The following PTK2B variants were observed in gnomAD, a reference collection of about 807,000 sequenced individuals.
PTK2B encodes protein tyrosine kinase 2 beta.
Under a neutral mutation model 142.9 loss-of-function variants are expected in PTK2B, and 71 were observed. That is an observed-to-expected ratio of 0.50 (90% confidence interval 0.41 to 0.61). The LOEUF is 0.61. Ranked by LOEUF, PTK2B falls within the 20% of genes least tolerant of loss-of-function variation. The probability of loss-of-function intolerance (pLI) is 0.00; values close to 1 mark genes in which losing one functional copy is unlikely to be tolerated. For synonymous variants in PTK2B, 519 were observed against 503.4 expected (o/e 1.03, Z -0.42); for missense variants, 1,105 against 1,320.4 (o/e 0.84, Z 2.53).
At chr8:27,401,136 C>A (rs1323646144) in intron 2 of PTK2B, among the ~76,000 whole-genome samples, 1 of 127,162 alleles carries the variant, frequency 7.9e-6, no homozygotes, top group Non-Finnish European at 1.8e-5. Context: ...GAGACTCCAT[C>A]TCAAAAAACA....
intron 30 of PTK2B, among the ~76,000 whole-genome samples, chr8:27,456,678 G>A (rs1417177553): frequency 6.6e-6 from 1 of 152,252 alleles, no homozygotes; most frequent in Non-Finnish European, 1.5e-5. Context: ...AGGAAGGCAT[G>A]TTGAAAACCA....
At chr8:27,433,615 G>A in intron 11 of PTK2B, 63 bp downstream of exon 11, 2 of 1,389,942 alleles carry the variant, frequency 1.4e-6, no homozygotes, top group Non-Finnish European at 2.0e-6. Context: ...AGTCCCCAGA[G>A]GCGGAGTGGC....
In PTK2B at chr8:27,433,570, G is replaced by A. The variant is rs769876468; in HGVS notation, c.1105+18G>A. 2.7e-5 allele frequency: 44 copies of A among 1,605,710 alleles called. No individual in the cohort carries two copies. The Admixed American group carries it at 7.3e-4, about 27-fold the overall frequency. On this transcript the variant is annotated intron_variant, in intron 11 of 30. Coordinates refer to ENST00000346049, the MANE Select transcript of PTK2B (RefSeq NM_173176.3). ...TAGGAAAGGTGGGTTCCATTTAAAGGTAAAGTGGCTGGACCACGGGTGGCA... is the reference window on the plus strand; with the variant it reads ...TAGGAAAGGTGGGTTCCATTTAAAGATAAAGTGGCTGGACCACGGGTGGCA...
intron 2 of PTK2B, among the ~76,000 whole-genome samples, chr8:27,413,936 G>T (rs917524811): frequency 8.6e-5 from 13 of 152,038 alleles, no homozygotes; most frequent in African/African-American, 3.1e-4. Flanking sequence ...TTATTTATCT[G>T]TCTTAGATTC....
intron 1 of PTK2B, among the ~76,000 whole-genome samples, chr8:27,378,938 C>A (rs1168874618): frequency 6.6e-6 from 1 of 152,056 alleles, no homozygotes; most frequent in Non-Finnish European, 1.5e-5. Context: ...GAACAAAGAG[C>A]TAAAGGAAGA....
intron 2 of PTK2B, among the ~76,000 whole-genome samples, chr8:27,419,134 C>G (rs374889552): frequency 2.6e-4 from 39 of 152,314 alleles, no homozygotes; most frequent in African/African-American, 8.7e-4. Context: ...ATCTCTGGCT[C>G]TAGGCCAGGA....
chr8:27,336,195 A>G (rs1804053926), intron 1 of PTK2B, among the ~76,000 whole-genome samples: 1 of 152,200 alleles, frequency 6.6e-6, no homozygotes, highest in Admixed American at 6.5e-5. Flanking sequence ...GATATGTGTA[A>G]TTCTTACCAA....
rs1163010794 is a variant in PTK2B, at chr8:27,363,034, A to G, written c.-37-34514A>G. 6.6e-6 allele frequency among the ~76,000 whole-genome samples: 1 copy of G among 152,232 alleles called. No individual in the cohort carries two copies. The highest frequency in any genetic ancestry group is 1.5e-5 in the Non-Finnish European group (1 of 68,034). ...TTTTTGTGGAAGCAGCTCCTTGGAT[A>G]GCATCACTCCTGTTCTCGTCATGGT... On this transcript the variant is annotated intron_variant, in intron 1 of 30. Coordinates refer to ENST00000346049, the MANE Select transcript of PTK2B (RefSeq NM_173176.3). The surrounding 1 kb of genome is among the most constrained non-coding windows in gnomAD (Gnocchi z 4.3).
intron 1 of PTK2B, among the ~76,000 whole-genome samples, chr8:27,358,580 C>T (rs1805519765): frequency 6.6e-6 from 1 of 152,102 alleles, no homozygotes; most frequent in East Asian, 1.9e-4. Context: ...TTGTAAACTA[C>T]AGATAGCTGG....
Position 27,431,486 on chromosome 8 carries a change from G to C in PTK2B, c.885+14G>C, listed in dbSNP as rs1225490435. The C allele has an allele frequency of 6.2e-7, 1 of 1,613,762 alleles. No individual in the cohort carries two copies. Among genetic ancestry groups the C allele is most frequent in the South Asian group, 1.1e-5 (1 of 91,078 alleles). ...CAGGACGCAAAGGTAGAGAGACCCG[G>C]GGCAGCCCCACCCAGCCCCAGGCGG... On this transcript the variant is annotated intron_variant, in intron 9 of 30. Coordinates refer to ENST00000346049, the MANE Select transcript of PTK2B (RefSeq NM_173176.3).
At chr8:27,421,439 T>C (rs998016484) in intron 4 of PTK2B, among the ~76,000 whole-genome samples, 2 of 152,104 alleles carry the variant, frequency 1.3e-5, no homozygotes, top group Non-Finnish European at 2.9e-5. Context: ...CTGTACCCAA[T>C]GTGTAGTCTT....
At chr8:27,432,217 C>A in intron 9 of PTK2B, 43 bp from the exon 10 acceptor site, 1 of 1,585,982 alleles carries the variant, frequency 6.3e-7, no homozygotes, top group East Asian at 2.3e-5. Flanking sequence ...TGGCCTAGTC[C>A]TGGTAGTGGG....
rs1220032800 is a variant in PTK2B, at chr8:27,363,694, T to C, written c.-37-33854T>C. On this transcript the variant is annotated intron_variant, in intron 1 of 30. Transcript: ENST00000346049. The surrounding 1 kb of genome is among the most constrained non-coding windows in gnomAD (Gnocchi z 4.3). ...CGGAGCCAGGCAGAGGCTCAGGGGC[T>C]CTCCCATGTCCTGTCTGAGTAGGCT... Among the ~76,000 whole-genome samples the C allele has an allele frequency of 6.6e-6, 1 of 152,158 alleles. No individual in the cohort carries two copies. The highest frequency in any genetic ancestry group is 2.4e-5 in the African/African-American group (1 of 41,420).
chr8:27,443,038 T>G, intron 22 of PTK2B, 55 bp downstream of exon 22: 1 of 1,376,270 alleles, frequency 7.3e-7, no homozygotes, highest in South Asian at 1.2e-5. Flanking sequence ...GCCAGGTCCC[T>G]GTCTGATCCA....
intron 3 of PTK2B, among the ~76,000 whole-genome samples, chr8:27,319,660 A>AAAG (rs1184363310): frequency 1.9e-4 from 29 of 151,604 alleles, no homozygotes; most frequent in Admixed American, 7.9e-4. Flanking sequence ...AAAAAAAAAA[A>AAAG]AAAAATTACA....
chr8:27,455,042 G>A (rs987248017), intron 30 of PTK2B, among the ~76,000 whole-genome samples: 1 of 152,088 alleles, frequency 6.6e-6, no homozygotes, highest in Non-Finnish European at 1.5e-5. Flanking sequence ...CAAGAGTCTT[G>A]GTGCTCCATG....
rs144752612 is a variant in PTK2B at position 27,442,525 on chromosome 8, A to G, written c.2040-350A>G. On this transcript the variant is annotated intron_variant, in intron 21 of 30. Coordinates refer to ENST00000346049, the MANE Select transcript of PTK2B (RefSeq NM_173176.3). Reference sequence around the variant, plus strand: ...AAGTTGGCTGGGACTTTGGAAATCTACATAGGGGTTTGGTGCCAATCACAA... The same window carrying G: ...AAGTTGGCTGGGACTTTGGAAATCTGCATAGGGGTTTGGTGCCAATCACAA... Among the ~76,000 whole-genome samples the G allele has an allele frequency of 1.5e-3, 228 of 152,328 alleles. 6 individuals carry two copies. The East Asian group carries it at 0.037, about 25-fold the overall frequency.
At chr8:27,446,624 T>C (rs1183710663) in intron 24 of PTK2B, among the ~76,000 whole-genome samples, 2 of 152,188 alleles carry the variant, frequency 1.3e-5, no homozygotes, top group African/African-American at 4.8e-5. Flanking sequence ...CCCCTAGTGG[T>C]CAGTTGCCAC....
At chr8:27,455,318 A>T (rs1812080786) in intron 30 of PTK2B, among the ~76,000 whole-genome samples, 1 of 152,070 alleles carries the variant, frequency 6.6e-6, no homozygotes, top group Non-Finnish European at 1.5e-5. Flanking sequence ...AATGCCAACC[A>T]TTTGGGAGGC....
Sources: gnomAD v4.1 joint callset for allele counts (sites outside exome capture counted in the v4.1 genomes callset) on GRCh38, gnomAD v4.1.1 for gene constraint, Gnocchi (gnomAD v3.1) non-coding constraint, MANE v1.5 for transcripts, NCBI Gene and HGNC (gene_info 2026-07-23, HGNC 2026-07-21) for gene names.